The following PRDX6 variants were observed in gnomAD, a reference collection of about 807,000 sequenced individuals.
The protein encoded by PRDX6 is peroxiredoxin-6.
A neutral mutation model predicts 20.0 loss-of-function variants in PRDX6; 13 were observed. The observed-to-expected ratio is 0.65, with a 90% CI of 0.42 to 1.03. PRDX6 has a LOEUF of 1.03. Among genes scored for constraint, PRDX6 ranks in the 50% least tolerant of loss-of-function variants. The probability of loss-of-function intolerance (pLI) is 0.00; values close to 1 mark genes in which losing one functional copy is unlikely to be tolerated. For synonymous variants in PRDX6, 85 were observed against 100.8 expected (o/e 0.84, Z 0.94); for missense variants, 203 against 276.9 (o/e 0.73, Z 1.89).
intron 1 of PRDX6, 142 bp downstream of exon 1, chr1:173,477,634 G>T (rs1200042971): frequency 1.3e-5 from 9 of 695,684 alleles, no homozygotes; most frequent in Non-Finnish European, 2.1e-5. Flanking sequence ...GTTCCGGCGC[G>T]CGCCAGGCCG....
Position 173,481,751 on chromosome 1 carries a change from C to T in PRDX6, c.252+269C>T, listed in dbSNP as rs940564918. 21 of 389,262 alleles carry T rather than the reference C, an allele frequency of 5.4e-5. No individual in the cohort carries two copies. The Admixed American group carries it at 7.8e-4, about 14-fold the overall frequency. The allele number at this position is 389,262 out of a possible 1,614,324, so 24.1% of individuals were successfully genotyped here. A position where few individuals can be genotyped will look rare whatever the true frequency, so the allele number is the denominator to read the frequency against. ...TTTTCCTTTCTTGACTTCCAGGACA[C>T]CACATTCTAGCTGTTCCTGCTCACT... is the stretch of plus-strand genomic sequence containing the variant. On this transcript the variant is annotated intron_variant, in intron 2 of 4. Transcript: ENST00000340385.
intron 4 of PRDX6, 150 bp from the exon 5 acceptor site, chr1:173,487,585 C>A: frequency 1.1e-6 from 1 of 879,352 alleles, no homozygotes; most frequent in Non-Finnish European, 1.7e-6. Flanking sequence ...CAAAGATCAA[C>A]TTGGAAAACA....
rs979602211 is a variant in PRDX6, at chr1:173,488,201, A to G, written c.*338A>G. On this transcript the variant is annotated 3_prime_UTR_variant, in exon 5 of 5. Transcript: ENST00000340385. ...GACAAAGCTTGCTTCACTCCATCAGAGAATGACTATCAATTTTTTTTTAAC... is the reference window on the plus strand; with the variant it reads ...GACAAAGCTTGCTTCACTCCATCAGGGAATGACTATCAATTTTTTTTTAAC... 5.1e-6 allele frequency: 1 copy of G among 195,030 alleles called. No homozygotes were observed. Among genetic ancestry groups the G allele is most frequent in the African/African-American group, 2.3e-5 (1 of 42,932 alleles). 12.1% of individuals were successfully genotyped at this position (195,030 alleles called of 1,614,324 possible). A position where few individuals can be genotyped will look rare whatever the true frequency, so the allele number is the denominator to read the frequency against.
At chr1:173,481,228 G>A (rs1262013065) in intron 1 of PRDX6, 98 bp from the exon 2 acceptor site, 6 of 1,215,030 alleles carry the variant, frequency 4.9e-6, no homozygotes, top group Non-Finnish European at 7.0e-6. Flanking sequence ...ATTTAAAAAA[G>A]AAAGCCTGTT....
chr1:173,478,055 G>T (rs755888823), intron 1 of PRDX6, among the ~76,000 whole-genome samples: 24 of 152,204 alleles, frequency 1.6e-4, no homozygotes, highest in Non-Finnish European at 2.9e-4. Context: ...GAAGGCCAAC[G>T]TATCATCTGA....
chr1:173,485,447 G>A lies in PRDX6; in HGVS notation c.339G>A (p.Leu113=), dbSNP rs182903064. 3.7e-4 allele frequency: 597 copies of A among 1,611,202 alleles called. 1 individual carries two copies. Among genetic ancestry groups the A allele is most frequent in the Non-Finnish European group, 5.0e-4 (584 of 1,178,702 alleles). The change falls in exon 3 of 5, where the codon CTG becomes CTA. Residue 113 remains leucine, a synonymous_variant. Coordinates refer to ENST00000340385, the MANE Select transcript of PRDX6 (RefSeq NM_004905.3). ...ATAGGAATCGGGAGCTTGCCATCCT[G>A]TTGGGCATGCTGGATCCAGCAGAGA... The part of the protein sequence containing the change: ...IDDRNRELAI[L]LGMLDPAEKD...
At chr1:173,481,892 A>G (rs1359258978) in intron 2 of PRDX6, 4 of 189,784 alleles carry the variant, frequency 2.1e-5, no homozygotes, top group African/African-American at 9.4e-5. Flanking sequence ...ACTCACCTTT[A>G]AATACCATCT....
In PRDX6 at chr1:173,485,368, A is replaced by G. The variant is rs1366534133; in HGVS notation, c.260A>G (p.Asn87Ser). Residue 87 changes from asparagine to serine, a missense_variant, in exon 3 of 5, where the codon AAT becomes AGT. By Grantham distance (46) the Asn-to-Ser change is conservative (BLOSUM62 1). Transcript: ENST00000340385. ...CTTTTACTTGTGTTTCAGGATATCA[A>G]TGCTTACAATTGTGAAGAGCCCACA... ...EDHLAWSKDI[N>S]AYNCEEPTEK... 2.5e-6 allele frequency: 4 copies of G among 1,587,390 alleles called. No homozygotes were observed. Among genetic ancestry groups the G allele is most frequent in the Middle Eastern group, 1.7e-4 (1 of 5,966 alleles).
chr1:173,479,177 G>A (rs1381455954), intron 1 of PRDX6, among the ~76,000 whole-genome samples: 1 of 152,138 alleles, frequency 6.6e-6, no homozygotes, highest in African/African-American at 2.4e-5. Flanking sequence ...TTTTGTTAAT[G>A]TTTATTGGCC....
At chr1:173,482,626 T>C (rs1658822297) in intron 2 of PRDX6, among the ~76,000 whole-genome samples, 1 of 152,222 alleles carries the variant, frequency 6.6e-6, no homozygotes, top group African/African-American at 2.4e-5. Flanking sequence ...TAACTACTTT[T>C]TGAGGGATGT....
At chr1:173,477,866 G>C (rs1658729787) in intron 1 of PRDX6, among the ~76,000 whole-genome samples, 1 of 152,238 alleles carries the variant, frequency 6.6e-6, no homozygotes, top group Admixed American at 6.5e-5. Context: ...TTAGTAAACT[G>C]TGCAGGTAGC....
chr1:173,487,961 C>A lies in PRDX6; in HGVS notation c.*98C>A. On this transcript the variant is annotated 3_prime_UTR_variant, in exon 5 of 5. Coordinates refer to ENST00000340385, the MANE Select transcript of PRDX6 (RefSeq NM_004905.3). ...TAAACACATCCTGGTGTCATCACAG[C>A]CAAGGTTTTTAGGTTGCTATACCAA... The A allele has an allele frequency of 6.7e-7, 1 of 1,495,940 alleles. No individual in the cohort carries two copies. The highest frequency in any genetic ancestry group is 9.1e-7 in the Non-Finnish European group (1 of 1,103,798). 92.7% of individuals were successfully genotyped at this position (1,495,940 alleles called of 1,614,324 possible).
In PRDX6 at chr1:173,477,350, C is replaced by G. The variant is rs1404380300; in HGVS notation, c.-48C>G. 4.2e-6 allele frequency: 6 copies of G among 1,421,622 alleles called. No homozygotes were observed. The highest frequency in any genetic ancestry group is 2.9e-5 in the African/African-American group (2 of 67,986). 88.1% of individuals were successfully genotyped at this position (1,421,622 alleles called of 1,614,324 possible). ...GGGACAGGCTGCTTCTTCGCCAGAA[C>G]CAACCGGTTGCTTGCTGTCCCAGCG... On this transcript the variant is annotated 5_prime_UTR_variant, in exon 1 of 5. Transcript: ENST00000340385.
intron 2 of PRDX6, 44 bp from the exon 3 acceptor site, chr1:173,485,317 G>C (rs759957821): frequency 2.7e-6 from 4 of 1,492,046 alleles, no homozygotes; most frequent in Non-Finnish European, 3.6e-6. Context: ...TTCAGAGCAT[G>C]TGTTGGGTTT....
intron 2 of PRDX6, among the ~76,000 whole-genome samples, chr1:173,484,626 A>G (rs766719176): frequency 4.6e-5 from 7 of 152,138 alleles, no homozygotes; most frequent in Non-Finnish European, 8.8e-5. Context: ...AAAAGCTTCC[A>G]GGGATAGGAA....
intron 2 of PRDX6, among the ~76,000 whole-genome samples, chr1:173,482,863 A>G (rs1430695048): frequency 6.6e-6 from 1 of 152,072 alleles, no homozygotes; most frequent in African/African-American, 2.4e-5. Flanking sequence ...TTTTGCTATC[A>G]TTTTTCATTT....
chr1:173,482,592 CACTGTGCTGTTAAGTAATAATGATA>C (rs1473990903), intron 2 of PRDX6, among the ~76,000 whole-genome samples: 2 of 152,200 alleles, frequency 1.3e-5, no homozygotes, highest in Admixed American at 6.6e-5. Flanking sequence ...AACTTGACTG[CACTGTGCTGTTAAGTAATAATGATA>C]ACTACTTTTT....
intron 1 of PRDX6, 25 bp downstream of exon 1, chr1:173,477,517 T>G (rs776361164): frequency 3.2e-6 from 5 of 1,575,242 alleles, no homozygotes; most frequent in Non-Finnish European, 4.3e-6. Context: ...CGTAGCCCTG[T>G]CCTGGCCTCG....
intron 4 of PRDX6, among the ~76,000 whole-genome samples, chr1:173,486,871 G>C (rs1658911086): frequency 6.6e-6 from 1 of 152,064 alleles, no homozygotes; most frequent in Non-Finnish European, 1.5e-5. Flanking sequence ...TTCATCTTTA[G>C]GACATGGATA....
Sources: allele counts gnomAD v4.1 joint callset (sites outside exome capture counted in the v4.1 genomes callset), GRCh38; gene constraint gnomAD v4.1.1; transcripts MANE v1.5; gene names NCBI Gene and HGNC (gene_info 2026-07-23, HGNC 2026-07-21).